The following PCDH15 variants were observed in gnomAD, a reference collection of about 807,000 sequenced individuals.
The protein encoded by PCDH15 is protocadherin related 15, also known as protocadherin-15.
A neutral mutation model predicts 178.5 loss-of-function variants in PCDH15; 129 were observed. The ratio of observed to expected loss-of-function variants is 0.72; its 90% confidence interval spans 0.63 to 0.84. The LOEUF is 0.84. PCDH15 is among the 40% of genes least tolerant of loss of function. PCDH15 has a pLI of 0.00. For synonymous variants in PCDH15, 800 were observed against 732.0 expected (o/e 1.09, Z -1.50); for missense variants, 2,230 against 2,099.9 (o/e 1.06, Z -1.21).
At chr10:54,683,770 G>A (rs2135697130) in intron 1 of PCDH15, among the ~76,000 whole-genome samples, 1 of 152,152 alleles carries the variant, frequency 6.6e-6, no homozygotes, top group Admixed American at 6.6e-5. Context: ...ATTAAAGCTT[G>A]CGATCAAGTG....
intron 2 of PCDH15, among the ~76,000 whole-genome samples, chr10:54,915,700 T>C (rs1182871433): frequency 6.6e-6 from 1 of 152,180 alleles, no homozygotes; most frequent in African/African-American, 2.4e-5. Context: ...CACTTCCAAA[T>C]TGAGCAGGAA....
At chr10:54,024,757 C>A (rs1040064571) in intron 18 of PCDH15, among the ~76,000 whole-genome samples, 1 of 152,114 alleles carries the variant, frequency 6.6e-6, no homozygotes, top group African/African-American at 2.4e-5. Context: ...TACTTTTATA[C>A]TTTGCCTAGA....
At chr10:53,997,506 G>A (rs891915406) in intron 20 of PCDH15, among the ~76,000 whole-genome samples, 1 of 152,198 alleles carries the variant, frequency 6.6e-6, no homozygotes, top group South Asian at 2.1e-4. Context: ...AGTTTCCAAT[G>A]AGCTCATTAT....
chr10:54,368,767 T>A (rs988386186), intron 5 of PCDH15, among the ~76,000 whole-genome samples: 23 of 152,006 alleles, frequency 1.5e-4, no homozygotes, highest in Admixed American at 1.1e-3. Context: ...TATGACCACC[T>A]CAGAAATACA....
At chr10:54,508,544 G>C (rs540549609) in intron 3 of PCDH15, among the ~76,000 whole-genome samples, 6 of 152,176 alleles carry the variant, frequency 3.9e-5, no homozygotes, top group African/African-American at 1.2e-4. Context: ...ACTTATATTG[G>C]TCTACATTTG....
intron 1 of PCDH15, among the ~76,000 whole-genome samples, chr10:54,743,543 C>A (rs7073425): frequency 0.13 from 19,356 of 151,848 alleles, 1,403 homozygotes; most frequent in African/African-American, 0.19. Flanking sequence ...AGGAGTATTT[C>A]TTAATACTTT....
chr10:54,437,073 G>A (rs969890470), intron 3 of PCDH15, among the ~76,000 whole-genome samples: 4 of 152,060 alleles, frequency 2.6e-5, no homozygotes, highest in African/African-American at 9.7e-5. Flanking sequence ...TAATTAGCAC[G>A]GACTCTAAAT....
chr10:53,822,780 C>A (rs571916453), intron 32 of PCDH15: 5 of 1,614,050 alleles, frequency 3.1e-6, no homozygotes, highest in African/African-American at 1.3e-5. Context: ...CTGTTCTGTT[C>A]CTTCTATCAT....
At chr10:53,967,081 C>T (rs1377022330) in intron 21 of PCDH15, among the ~76,000 whole-genome samples, 4 of 152,034 alleles carry the variant, frequency 2.6e-5, no homozygotes, top group Admixed American at 6.5e-5. Context: ...TCTCATAATC[C>T]CCACATGCTG....
At chr10:54,530,797 A>C (rs1368195518) in intron 2 of PCDH15, among the ~76,000 whole-genome samples, 1 of 152,210 alleles carries the variant, frequency 6.6e-6, no homozygotes, top group East Asian at 1.9e-4. Flanking sequence ...AAAATAATTT[A>C]AACTTTTTTA....
intron 21 of PCDH15, among the ~76,000 whole-genome samples, chr10:53,977,369 G>C (rs2090266288): frequency 6.6e-6 from 1 of 152,204 alleles, no homozygotes; most frequent in South Asian, 2.1e-4. Flanking sequence ...GACAGTTTAT[G>C]AATTTGTGTT....
intron 2 of PCDH15, among the ~76,000 whole-genome samples, chr10:55,335,663 A>G (rs1035056525): frequency 1.3e-5 from 2 of 152,164 alleles, no homozygotes; most frequent in African/African-American, 4.8e-5. Context: ...GTCACACAGG[A>G]AACGCACAGT....
At chr10:54,896,956 T>C (rs66975175) in intron 3 of PCDH15, among the ~76,000 whole-genome samples, 34,341 of 152,142 alleles carry the variant, frequency 0.23, 4,565 homozygotes, top group Non-Finnish European at 0.31. Flanking sequence ...ACACATATAT[T>C]TTAAAAAGAA....
intron 3 of PCDH15, among the ~76,000 whole-genome samples, chr10:54,838,516 T>C (rs1953362413): frequency 6.6e-6 from 1 of 152,160 alleles, no homozygotes; most frequent in South Asian, 2.1e-4. Flanking sequence ...CTTTTCTTTA[T>C]AAATTACCCA....
chr10:55,583,382 T>A (rs1228805960), intron 2 of PCDH15, among the ~76,000 whole-genome samples: 2 of 152,172 alleles, frequency 1.3e-5, no homozygotes, highest in Admixed American at 6.5e-5. Flanking sequence ...TAATGTTTCT[T>A]GTTTTGTGTA....
rs370242062 is a variant in PCDH15, at chr10:54,189,390, C to T, written c.1306-4122G>A. 2.5e-5 allele frequency: 39 copies of T among 1,536,756 alleles called. No individual in the cohort carries two copies. In the African/African-American group the frequency reaches 2.6e-4, roughly 10 times the overall value. Reference sequence around the variant, plus strand: ...GGAACTCCACTGGGTGGAACCTATACGCAAATTAAACATGAAATAAATATT... The same window carrying T: ...GGAACTCCACTGGGTGGAACCTATATGCAAATTAAACATGAAATAAATATT... On this transcript the variant is annotated intron_variant, in intron 11 of 37. Coordinates refer to ENST00000644397, the MANE Select transcript of PCDH15 (RefSeq NM_001384140.1).
chr10:55,606,675 G>A (rs1843225273), intron 2 of PCDH15, among the ~76,000 whole-genome samples: 1 of 147,566 alleles, frequency 6.8e-6, no homozygotes, highest in Middle Eastern at 3.5e-3. Flanking sequence ...AAATGGTGCT[G>A]GGAAAACTGG....
In PCDH15 at chr10:53,966,717, TTAAG is replaced by T. The variant is rs145511207; in HGVS notation, c.2869-4829_2869-4826del. Among the ~76,000 whole-genome samples, 66 of 152,140 alleles carry T rather than the reference TTAAG, an allele frequency of 4.3e-4. No homozygotes were observed. In the South Asian group the frequency reaches 0.011, roughly 26 times the overall value. ...ACTTAAAATTATGAATTAGCATTTA[TTAAG>T]TATCTTTTAATACTTTATTCCACTA... On this transcript the variant is annotated intron_variant, in intron 21 of 37. Coordinates refer to ENST00000644397, the MANE Select transcript of PCDH15 (RefSeq NM_001384140.1).
At chr10:55,193,882 AG>A (rs1840009716) in intron 1 of PCDH15, among the ~76,000 whole-genome samples, 1 of 151,934 alleles carries the variant, frequency 6.6e-6, no homozygotes, top group Non-Finnish European at 1.5e-5. Context: ...ATACACAATT[AG>A]GTAAACTATG....
Sources: allele counts gnomAD v4.1 joint callset (sites outside exome capture counted in the v4.1 genomes callset), GRCh38; gene constraint gnomAD v4.1.1; transcripts MANE v1.5; gene names NCBI Gene and HGNC (gene_info 2026-07-23, HGNC 2026-07-21).